CDH11: variants seen among roughly 807,000 people sequenced by gnomAD.
CDH11 encodes the protein cadherin 11, also known as cadherin-11.
A neutral mutation model predicts 67.8 loss-of-function variants in CDH11; 11 were observed. The ratio of observed to expected loss-of-function variants is 0.16; its 90% CI spans 0.10 to 0.27. CDH11 has a LOEUF of 0.27. Ranked by LOEUF, CDH11 falls within the 10% of genes least tolerant of loss-of-function variation. The probability of loss-of-function intolerance (pLI) is 1.00; values close to 1 mark genes in which losing one functional copy is unlikely to be tolerated. For missense variants in CDH11, 847 were observed against 1,031.2 expected (o/e 0.82, Z 2.45); for synonymous variants, 419 against 400.0 (o/e 1.05, Z -0.57).
At chr16:65,034,583 C>T (rs1363584546) in intron 2 of CDH11, among the ~76,000 whole-genome samples, 1 of 152,158 alleles carries the variant, frequency 6.6e-6, no homozygotes, top group Non-Finnish European at 1.5e-5. Context: ...TAGTAGAGTA[C>T]ACTTCTCCTT....
At chr16:65,058,086 G>A (rs1357923548) in intron 1 of CDH11, among the ~76,000 whole-genome samples, 1 of 152,220 alleles carries the variant, frequency 6.6e-6, no homozygotes, top group East Asian at 1.9e-4. Flanking sequence ...AGCTGGGTGT[G>A]GTGGCAGGTG....
intron 1 of CDH11, among the ~76,000 whole-genome samples, chr16:65,102,697 A>C (rs1249375967): frequency 6.6e-6 from 1 of 152,244 alleles, no homozygotes. Context: ...CATGTGTTAG[A>C]GACACTGAAG....
At chr16:64,955,493 C>A (rs1261012658) in intron 11 of CDH11, among the ~76,000 whole-genome samples, 1 of 151,866 alleles carries the variant, frequency 6.6e-6, no homozygotes, top group Non-Finnish European at 1.5e-5. Context: ...AATCTCGACA[C>A]TTTGGGAGGC....
intron 2 of CDH11, among the ~76,000 whole-genome samples, chr16:65,047,000 T>C (rs2073972626): frequency 6.6e-6 from 1 of 152,108 alleles, no homozygotes; most frequent in Non-Finnish European, 1.5e-5. Flanking sequence ...TCCCAGTTAC[T>C]CTGGGACTGA....
intron 11 of CDH11, among the ~76,000 whole-genome samples, chr16:64,960,868 T>C (rs1477944025): frequency 2.0e-5 from 3 of 152,024 alleles, no homozygotes; most frequent in Non-Finnish European, 4.4e-5. Context: ...AGTTTGTTTA[T>C]TGAGGGCTGA....
intron 5 of CDH11, among the ~76,000 whole-genome samples, chr16:64,992,309 T>C (rs1325827848): frequency 6.6e-6 from 1 of 152,210 alleles, no homozygotes; most frequent in Non-Finnish European, 1.5e-5. Context: ...TACATACAAT[T>C]CATGGAAATG....
chr16:65,045,505 C>A (rs976818528), intron 2 of CDH11, among the ~76,000 whole-genome samples: 1 of 151,664 alleles, frequency 6.6e-6, no homozygotes, highest in Non-Finnish European at 1.5e-5. Context: ...TGTCAGGTGT[C>A]TGGCTACAGT....
intron 1 of CDH11, among the ~76,000 whole-genome samples, chr16:65,099,905 G>T (rs2074962197): frequency 6.6e-6 from 1 of 152,122 alleles, no homozygotes; most frequent in Non-Finnish European, 1.5e-5. Flanking sequence ...TAGAGTAAAA[G>T]TGAGAGCTGA....
intron 11 of CDH11, among the ~76,000 whole-genome samples, chr16:64,970,430 T>A (rs989348556): frequency 3.9e-5 from 6 of 152,190 alleles, no homozygotes; most frequent in Non-Finnish European, 1.5e-5. Flanking sequence ...CCGTAACTTT[T>A]ATTTGGTTGA....
At chr16:65,115,891 C>A (rs769294840) in intron 1 of CDH11, among the ~76,000 whole-genome samples, 2 of 151,838 alleles carry the variant, frequency 1.3e-5, no homozygotes, top group Non-Finnish European at 2.9e-5. Flanking sequence ...CCATGAGCTG[C>A]GATCACAACA....
At chr16:65,047,647 G>T (rs773166010) in intron 2 of CDH11, among the ~76,000 whole-genome samples, 1 of 152,040 alleles carries the variant, frequency 6.6e-6, no homozygotes, top group Non-Finnish European at 1.5e-5. Flanking sequence ...ACCATGCCAG[G>T]TCTCACCTTT....
upstream of CDH11, chr16:65,122,185 G>T: frequency 1.8e-6 from 1 of 550,212 alleles, no homozygotes; most frequent in Admixed American, 3.5e-5. Flanking sequence ...AGGAAAGGGC[G>T]GGGGCTGAGA....
chr16:65,040,567 G>A (rs1567543573), intron 2 of CDH11, among the ~76,000 whole-genome samples: 2 of 149,778 alleles, frequency 1.3e-5, no homozygotes, highest in South Asian at 2.2e-4. Flanking sequence ...GGGGTGGGGG[G>A]AGGAGGGAGG....
rs2071153090 is a variant in CDH11 at position 64,944,035 on chromosome 16, G to C, written c.*3568C>G. 1 of 232,310 alleles carries C rather than the reference G, an allele frequency of 4.3e-6. No homozygotes were observed. 14.4% of individuals were successfully genotyped at this position (232,310 alleles called of 1,614,324 possible). A position where few individuals can be genotyped will look rare whatever the true frequency, so the allele number is the denominator to read the frequency against. On this transcript the variant is annotated 3_prime_UTR_variant, in exon 13 of 13. Coordinates refer to ENST00000268603, the MANE Select transcript of CDH11 (RefSeq NM_001797.4). ...TCAGGAACCGAAAGATGGCCAGTGTGGCTGGAGCATCGTGCACTGAAAGGA... is the reference window on the plus strand; with the variant it reads ...TCAGGAACCGAAAGATGGCCAGTGTCGCTGGAGCATCGTGCACTGAAAGGA...
chr16:65,111,995 G>A (rs28703270), intron 1 of CDH11, among the ~76,000 whole-genome samples: 9 of 150,860 alleles, frequency 6.0e-5, no homozygotes, highest in African/African-American at 2.2e-4. Flanking sequence ...ACTCGAACCC[G>A]GGAAGTGGAG....
At chr16:65,059,679 T>C (rs1468098324) in intron 1 of CDH11, 1 of 152,160 alleles carries the variant, frequency 6.6e-6, no homozygotes, top group Non-Finnish European at 1.5e-5. Context: ...CCACCATAAA[T>C]TCTGGGTTCC....
At chr16:65,062,696 A>G (rs1029096724) in intron 1 of CDH11, among the ~76,000 whole-genome samples, 2 of 152,222 alleles carry the variant, frequency 1.3e-5, no homozygotes, top group Non-Finnish European at 2.9e-5. Context: ...CTCCACAGGG[A>G]TAAGAAGCAT....
At chr16:64,983,679 A>T (rs535105511) in intron 7 of CDH11, among the ~76,000 whole-genome samples, 4 of 152,140 alleles carry the variant, frequency 2.6e-5, no homozygotes, top group Admixed American at 6.5e-5. Flanking sequence ...CTTTTCCTAA[A>T]TCTAAATCTG....
intron 2 of CDH11, among the ~76,000 whole-genome samples, chr16:65,025,103 G>A (rs1363718685): frequency 2.0e-5 from 3 of 152,202 alleles, no homozygotes; most frequent in Non-Finnish European, 2.9e-5. Flanking sequence ...CTGCTCAGGA[G>A]GCTGTGAGGT....
Sources: gnomAD v4.1 joint callset for allele counts (sites outside exome capture counted in the v4.1 genomes callset) on GRCh38, gnomAD v4.1.1 for gene constraint, MANE v1.5 for transcripts, NCBI Gene and HGNC (gene_info 2026-07-23, HGNC 2026-07-21) for gene names.